DAB1: variants seen among roughly 807,000 people sequenced by gnomAD.
The protein encoded by DAB1 is disabled homolog 1.
In DAB1, 15 loss-of-function variants were observed where a neutral mutation model predicts 64.6. The observed-to-expected ratio is 0.23, with a 90% CI of 0.16 to 0.36. DAB1 has a LOEUF of 0.36. Among genes scored for constraint, DAB1 ranks in the 10% least tolerant of loss-of-function variants. DAB1 has a pLI of 1.00. For missense variants in DAB1, 596 were observed against 706.7 expected (o/e 0.84, Z 1.78); for synonymous variants, 235 against 251.9 (o/e 0.93, Z 0.64).
At chr1:57,636,096 C>CA (rs61007751) in intron 7 of DAB1, among the ~76,000 whole-genome samples, 4,284 of 64,898 alleles carry the variant, frequency 0.066, 400 homozygotes, top group Admixed American at 0.2. Flanking sequence ...GACACGGTCT[C>CA]AAAAAAAAAA....
intron 9 of DAB1, among the ~76,000 whole-genome samples, chr1:57,060,661 C>T (rs986929423): frequency 1.3e-5 from 2 of 152,084 alleles, no homozygotes; most frequent in African/African-American, 4.8e-5. Context: ...CCCCTGAGAA[C>T]ACAAAGCTTG....
chr1:57,334,517 T>C lies in DAB1; in HGVS notation c.-136-43351A>G, dbSNP rs560547462. 1.2e-4 allele frequency among the ~76,000 whole-genome samples: 19 copies of C among 152,342 alleles called. 1 individual carries two copies. In the South Asian group the frequency reaches 3.7e-3, roughly 30 times the overall value. On this transcript the variant is annotated intron_variant, in intron 1 of 14. Coordinates refer to ENST00000371236, the MANE Select transcript of DAB1 (RefSeq NM_001365792.1). ...GGTAGTTAACTGATAATAATCACAA[T>C]AGCAAATGCTTGTACCTTACGACAT... is the stretch of plus-strand genomic sequence containing the variant.
chr1:57,138,386 C>T (rs954990290), intron 3 of DAB1, among the ~76,000 whole-genome samples: 4 of 152,204 alleles, frequency 2.6e-5, no homozygotes, highest in Admixed American at 6.5e-5. Context: ...CACTTGGTGC[C>T]GGGACCAGTG....
intron 5 of DAB1, among the ~76,000 whole-genome samples, chr1:58,103,643 A>C: frequency 6.6e-6 from 1 of 152,020 alleles, no homozygotes; most frequent in Non-Finnish European, 1.5e-5. Flanking sequence ...GACACTGCTG[A>C]CTTTAATTTT....
intron 4 of DAB1, among the ~76,000 whole-genome samples, chr1:58,331,309 G>T (rs1029992617): frequency 6.6e-6 from 1 of 152,176 alleles, no homozygotes; most frequent in Non-Finnish European, 1.5e-5. Context: ...AAGGAATGAA[G>T]AATTGCTTCT....
At chr1:58,363,865 T>G (rs1313339167) in intron 3 of DAB1, among the ~76,000 whole-genome samples, 1 of 152,202 alleles carries the variant, frequency 6.6e-6, no homozygotes, top group East Asian at 1.9e-4. Flanking sequence ...GGGGAGCCCT[T>G]ATCTCCCTTC....
chr1:57,254,201 CTCCTGGGCTG>C (rs1187715364), intron 2 of DAB1, among the ~76,000 whole-genome samples: 1 of 152,214 alleles, frequency 6.6e-6, no homozygotes, highest in Non-Finnish European at 1.5e-5. Flanking sequence ...TCAGTACAAT[CTCCTGGGCTG>C]ATTCATCAGC....
chr1:58,154,686 T>C (rs1224978917), intron 4 of DAB1, among the ~76,000 whole-genome samples: 2 of 151,832 alleles, frequency 1.3e-5, no homozygotes, highest in Admixed American at 6.6e-5. Context: ...AGGGGAGTAA[T>C]TGTCAGAGCT....
At chr1:58,321,775 G>A (rs576566575) in intron 4 of DAB1, among the ~76,000 whole-genome samples, 42 of 152,366 alleles carry the variant, frequency 2.8e-4, no homozygotes, top group Admixed American at 5.2e-4. Context: ...CCAACTGGGC[G>A]GAGCCCACTG....
chr1:57,199,090 T>C (rs1277632823), intron 2 of DAB1, among the ~76,000 whole-genome samples: 1 of 152,048 alleles, frequency 6.6e-6, no homozygotes, highest in African/African-American at 2.4e-5. Flanking sequence ...AACCTGAGGC[T>C]GGGGGAAGGG....
chr1:57,769,724 C>G (rs1569627206), intron 6 of DAB1, among the ~76,000 whole-genome samples: 1 of 152,234 alleles, frequency 6.6e-6, no homozygotes, highest in East Asian at 1.9e-4. Flanking sequence ...GAAGAATAAC[C>G]CAACACCGAT....
chr1:58,348,718 C>T (rs1256905685), intron 3 of DAB1, among the ~76,000 whole-genome samples: 3 of 152,182 alleles, frequency 2.0e-5, no homozygotes, highest in African/African-American at 7.2e-5. Flanking sequence ...CTGACTTTTA[C>T]TTCACCCTAC....
chr1:57,106,757 C>G (rs499755), intron 4 of DAB1, among the ~76,000 whole-genome samples: 122,493 of 152,178 alleles, frequency 0.8, 49,481 homozygotes, highest in East Asian at 0.98. Context: ...TTCATGTCCC[C>G]GGCCCTTTCT....
chr1:58,079,504 G>A (rs921367837), intron 5 of DAB1, among the ~76,000 whole-genome samples: 8 of 145,018 alleles, frequency 5.5e-5, no homozygotes, highest in South Asian at 4.6e-4. Context: ...TTAAATGAAT[G>A]AGCATACCAT....
At chr1:57,224,944 A>C (rs1667150617) in intron 2 of DAB1, among the ~76,000 whole-genome samples, 1 of 152,190 alleles carries the variant, frequency 6.6e-6, no homozygotes, top group African/African-American at 2.4e-5. Flanking sequence ...CATTAAAACA[A>C]AAACAAACAA....
intron 5 of DAB1, among the ~76,000 whole-genome samples, chr1:58,079,431 T>C (rs1297761960): frequency 6.6e-6 from 1 of 152,154 alleles, no homozygotes; most frequent in Non-Finnish European, 1.5e-5. Flanking sequence ...CAGGGAAGTT[T>C]GTTCACTGTT....
Position 57,619,302 on chromosome 1 carries a change from T to C in DAB1, n.625+30290A>G, listed in dbSNP as rs193165932. 7.2e-5 allele frequency among the ~76,000 whole-genome samples: 11 copies of C among 152,304 alleles called. No individual in the cohort carries two copies. The East Asian group carries it at 2.1e-3, about 29-fold the overall frequency. ...CAGGTGAGGAATAAAGAGAGTGAACTAACTTTTATGGAGCACCTGGTACAT... is the reference window on the plus strand; with the variant it reads ...CAGGTGAGGAATAAAGAGAGTGAACCAACTTTTATGGAGCACCTGGTACAT... On this transcript the variant is annotated intron_variant and non_coding_transcript_variant, in intron 7 of 20. Coordinates refer to the DAB1 transcript ENST00000485760.
rs1025384328 is a variant in DAB1 at position 57,995,092 on chromosome 1, C to T, written n.388-110930G>A. Among the ~76,000 whole-genome samples, 5 of 152,094 alleles carry T rather than the reference C, an allele frequency of 3.3e-5. No homozygotes were observed. In the East Asian group the frequency reaches 7.7e-4, roughly 23 times the overall value. On this transcript the variant is annotated intron_variant and non_coding_transcript_variant, in intron 5 of 20. Coordinates refer to the DAB1 transcript ENST00000485760. ...GAGCAAGTTACCACCCCTCTCTGGG[C>T]CTCAGTTTCCTCAACTGCAAATGAA... is the stretch of plus-strand genomic sequence containing the variant.
At position 58,527,762 on chromosome 1, in the gene DAB1, T is replaced by G. The variant is rs1261084212; in HGVS notation, n.33-427A>C. 4.0e-5 allele frequency among the ~76,000 whole-genome samples: 6 copies of G among 149,550 alleles called. No homozygotes were observed. In the East Asian group the frequency reaches 1.2e-3, roughly 29 times the overall value. On this transcript the variant is annotated intron_variant and non_coding_transcript_variant, in intron 1 of 20. Transcript: ENST00000485760. ...CCAATGACACTACTAGACAATTTAT[T>G]TCAGTAAAAAAATTAACCATATAGC... is the stretch of plus-strand genomic sequence containing the variant.
Sources: allele counts gnomAD v4.1 joint callset (sites outside exome capture counted in the v4.1 genomes callset), GRCh38; gene constraint gnomAD v4.1.1; transcripts MANE v1.5; gene names NCBI Gene and HGNC (gene_info 2026-07-23, HGNC 2026-07-21).